The following SORCS2 variants were observed in gnomAD, a reference collection of about 807,000 sequenced individuals.
The protein encoded by SORCS2 is VPS10 domain-containing receptor SorCS2.
A neutral mutation model predicts 141.6 loss-of-function variants in SORCS2; 100 were observed. The ratio of observed to expected loss-of-function variants is 0.71; its 90% CI spans 0.60 to 0.83. SORCS2 has a LOEUF of 0.83. Ranked by LOEUF, SORCS2 falls within the 40% of genes least tolerant of loss-of-function variation. SORCS2 has a pLI of 0.00. For missense variants in SORCS2, 1,646 were observed against 1,560.2 expected, an observed-to-expected ratio of 1.05 and a Z score of -0.93; for synonymous variants, 789 against 676.9, an observed-to-expected ratio of 1.17 and a Z score of -2.57.
At chr4:7,667,668 C>T (rs537961566) in intron 8 of SORCS2, among the ~76,000 whole-genome samples, 2 of 152,308 alleles carry the variant, frequency 1.3e-5, no homozygotes, top group Admixed American at 6.5e-5. Flanking sequence ...GCTGTACTCA[C>T]CTCTGCATTC....
At chr4:7,412,407 A>AG (rs1725377649) in intron 2 of SORCS2, among the ~76,000 whole-genome samples, 1 of 152,174 alleles carries the variant, frequency 6.6e-6, no homozygotes, top group Non-Finnish European at 1.5e-5. Context: ...GACAGTGTGC[A>AG]GGGGGGTCTG....
At chr4:7,418,002 TC>T (rs2109178807) in intron 2 of SORCS2, among the ~76,000 whole-genome samples, 1 of 152,212 alleles carries the variant, frequency 6.6e-6, no homozygotes, top group East Asian at 1.9e-4. Flanking sequence ...GTCTGGCTCA[TC>T]AGATGTTTAT....
chr4:7,497,564 G>T (rs1731705843), intron 2 of SORCS2, among the ~76,000 whole-genome samples: 1 of 152,264 alleles, frequency 6.6e-6, no homozygotes, highest in Non-Finnish European at 1.5e-5. Context: ...CATTCCCAAA[G>T]GAGCCCACAG....
chr4:7,250,316 C>A (rs1478472970), intron 1 of SORCS2, among the ~76,000 whole-genome samples: 1 of 152,166 alleles, frequency 6.6e-6, no homozygotes, highest in Non-Finnish European at 1.5e-5. Flanking sequence ...ACCACCTGGG[C>A]CTCTTTGTCT....
At chr4:7,271,891 G>C (rs1216574728) in intron 1 of SORCS2, among the ~76,000 whole-genome samples, 1 of 152,242 alleles carries the variant, frequency 6.6e-6, no homozygotes, top group Non-Finnish European at 1.5e-5. Flanking sequence ...GGCTGCAGAG[G>C]CAGGTCCCAG....
intron 2 of SORCS2, among the ~76,000 whole-genome samples, chr4:7,465,425 T>A (rs1251715497): frequency 6.6e-6 from 1 of 151,988 alleles, no homozygotes; most frequent in East Asian, 1.9e-4. Flanking sequence ...GGAGGGTGAG[T>A]GGGCTTTTCC....
At chr4:7,373,836 TG>T (rs532063637) in intron 1 of SORCS2, among the ~76,000 whole-genome samples, 189 of 152,220 alleles carry the variant, frequency 1.2e-3, no homozygotes, top group African/African-American at 4.3e-3. Context: ...ATGTGTACTT[TG>T]CAAAAATTTC....
chr4:7,610,337 G>A (rs1393066856), intron 3 of SORCS2, among the ~76,000 whole-genome samples: 1 of 152,142 alleles, frequency 6.6e-6, no homozygotes, highest in African/African-American at 2.4e-5. Flanking sequence ...GGACGAGGAT[G>A]TGGGCTGAGC....
chr4:7,561,665 C>T (rs1352194762), intron 3 of SORCS2, among the ~76,000 whole-genome samples: 2 of 152,022 alleles, frequency 1.3e-5, no homozygotes, highest in African/African-American at 4.8e-5. Flanking sequence ...CCCATTCATC[C>T]ATCTATCCAT....
At chr4:7,220,006 A>G (rs1394071906) in intron 1 of SORCS2, among the ~76,000 whole-genome samples, 3 of 152,228 alleles carry the variant, frequency 2.0e-5, no homozygotes, top group Non-Finnish European at 4.4e-5. Context: ...AATTTGTGTC[A>G]TGGATTTCAG....
intron 3 of SORCS2, among the ~76,000 whole-genome samples, chr4:7,540,285 C>T (rs1394949328): frequency 1.3e-5 from 2 of 151,460 alleles, no homozygotes; most frequent in African/African-American, 4.8e-5. Context: ...TAGGGTTTTC[C>T]TTCCTCTCCT....
chr4:7,276,583 C>G (rs113331010), intron 1 of SORCS2, among the ~76,000 whole-genome samples: 5,003 of 152,234 alleles, frequency 0.033, 262 homozygotes, highest in African/African-American at 0.11. Context: ...CTCCAGGCCC[C>G]GGGAAACGCA....
chr4:7,304,103 T>C (rs957902070), intron 1 of SORCS2, among the ~76,000 whole-genome samples: 1 of 152,260 alleles, frequency 6.6e-6, no homozygotes, highest in Non-Finnish European at 1.5e-5. Flanking sequence ...TGTTGACGCC[T>C]ATATGTGCCA....
chr4:7,553,025 T>C lies in SORCS2; in HGVS notation c.648+21396T>C, dbSNP rs146671953. On this transcript the variant is annotated intron_variant, in intron 3 of 26. Coordinates refer to ENST00000507866, the MANE Select transcript of SORCS2 (RefSeq NM_020777.3). The stretch of plus-strand genomic sequence containing the variant: ...ACAATAAAAGTTTCAACCATAGAAC[T>C]AGAGGCCATTTTGGAAGCCTGAGAG... Among the ~76,000 whole-genome samples the C allele has an allele frequency of 8.8e-4, 134 of 152,098 alleles. 1 individual carries two copies. The highest frequency in any genetic ancestry group is 3.1e-3 in the African/African-American group (129 of 41,456).
intron 1 of SORCS2, among the ~76,000 whole-genome samples, chr4:7,197,337 G>C (rs1727230947): frequency 2.6e-5 from 4 of 152,152 alleles, no homozygotes; most frequent in Admixed American, 2.6e-4. Context: ...GATTTTGGTG[G>C]GGGGACACAG....
chr4:7,581,598 T>G (rs1577787368), intron 3 of SORCS2, among the ~76,000 whole-genome samples: 1 of 152,076 alleles, frequency 6.6e-6, no homozygotes, highest in South Asian at 2.1e-4. Flanking sequence ...CTAGGCCTGG[T>G]CATTTGAGGC....
chr4:7,428,740 G>A (rs1486715592), intron 2 of SORCS2, among the ~76,000 whole-genome samples: 1 of 152,158 alleles, frequency 6.6e-6, no homozygotes, highest in Non-Finnish European at 1.5e-5. Context: ...GCTGCACCAG[G>A]GTGGGGTCCA....
chr4:7,418,834 G>C (rs776910747), intron 2 of SORCS2, among the ~76,000 whole-genome samples: 5 of 152,038 alleles, frequency 3.3e-5, no homozygotes, highest in Admixed American at 6.6e-5. Context: ...TCTTACATCT[G>C]TAGTAAGCAG....
intron 1 of SORCS2, among the ~76,000 whole-genome samples, chr4:7,306,182 C>T (rs1474642931): frequency 6.6e-6 from 1 of 152,180 alleles, no homozygotes. Context: ...GGAGCAGGTG[C>T]AGCGGTGGGC....
Sources: allele counts gnomAD v4.1 joint callset (sites outside exome capture counted in the v4.1 genomes callset), GRCh38; gene constraint gnomAD v4.1.1; transcripts MANE v1.5; gene names NCBI Gene and HGNC (gene_info 2026-07-23, HGNC 2026-07-21).